Variants in CDYL2 observed in about 807,000 individuals in gnomAD.
CDYL2 encodes the protein chromodomain Y-like protein 2.
A neutral mutation model predicts 49.4 loss-of-function variants in CDYL2; 23 were observed. That is an observed-to-expected ratio of 0.47 (90% CI 0.34 to 0.66). The LOEUF (loss-of-function observed/expected upper bound fraction) is 0.66. CDYL2 is among the 30% of genes least tolerant of loss of function. The pLI, the probability that CDYL2 is intolerant of heterozygous loss-of-function variation, is 0.01. For missense variants in CDYL2, 678 were observed against 656.4 expected (o/e 1.03, Z -0.36); for synonymous variants, 360 against 268.8 (o/e 1.34, Z -3.32).
intron 2 of CDYL2, among the ~76,000 whole-genome samples, chr16:80,673,329 T>C (rs531279596): frequency 6.6e-6 from 1 of 152,020 alleles, no homozygotes; most frequent in African/African-American, 2.4e-5. Context: ...CAAAAATAAA[T>C]AAATAAATAA....
rs891664855 is a variant in CDYL2 at position 80,784,570 on chromosome 16, C to T, written c.24+19580G>A. ...AAGGGGAAATGGTTAATAAACATAT[C>T]AGGGTAAGAGCAGGAAAAAAAGATA... On this transcript the variant is annotated intron_variant, in intron 1 of 6. Transcript: ENST00000570137. Among the ~76,000 whole-genome samples the T allele has an allele frequency of 4.6e-5, 7 of 152,016 alleles. No individual in the cohort carries two copies. The South Asian group carries it at 1.2e-3, about 27-fold the overall frequency.
intron 2 of CDYL2, among the ~76,000 whole-genome samples, chr16:80,665,664 G>C (rs1244735231): frequency 6.6e-6 from 1 of 152,078 alleles, no homozygotes; most frequent in Non-Finnish European, 1.5e-5. Flanking sequence ...GTGGTGAAGT[G>C]GGAGGGAATC....
At chr16:80,666,802 T>A (rs1909283788) in intron 2 of CDYL2, among the ~76,000 whole-genome samples, 1 of 152,176 alleles carries the variant, frequency 6.6e-6, no homozygotes, top group African/African-American at 2.4e-5. Context: ...AGGACCCCCA[T>A]CTTAAAGCAG....
intron 1 of CDYL2, among the ~76,000 whole-genome samples, chr16:80,709,239 G>C (rs1242145067): frequency 1.3e-5 from 2 of 152,086 alleles, no homozygotes; most frequent in Non-Finnish European, 2.9e-5. Context: ...AAAATTAGCT[G>C]GGTGTGGTGG....
chr16:80,646,755 C>T (rs1475491918), intron 2 of CDYL2, among the ~76,000 whole-genome samples: 1 of 152,068 alleles, frequency 6.6e-6, no homozygotes, highest in African/African-American at 2.4e-5. Context: ...CGCCACTGCA[C>T]TCCAGCCTGG....
chr16:80,704,641 TGGAA>T (rs1904342025), intron 1 of CDYL2, among the ~76,000 whole-genome samples: 2 of 152,176 alleles, frequency 1.3e-5, no homozygotes, highest in African/African-American at 2.4e-5. Context: ...ACATTCAGAA[TGGAA>T]GGAAGAGCTG....
chr16:80,706,034 G>A lies in CDYL2; in HGVS notation c.25-20905C>T, dbSNP rs577275607. Among the ~76,000 whole-genome samples, 26 of 152,304 alleles carry A rather than the reference G, an allele frequency of 1.7e-4. No homozygotes were observed. The South Asian group carries it at 4.6e-3, about 27-fold the overall frequency. On this transcript the variant is annotated intron_variant, in intron 1 of 6. Transcript: ENST00000570137. Reference sequence around the variant, plus strand: ...GTGTAATCTGAACATCACAGACATGGTCCCTGTTCTCATGGAACTTAGCAT... The same window carrying A: ...GTGTAATCTGAACATCACAGACATGATCCCTGTTCTCATGGAACTTAGCAT...
chr16:80,768,234 T>G (rs374514611), intron 1 of CDYL2, among the ~76,000 whole-genome samples: 1 of 152,240 alleles, frequency 6.6e-6, no homozygotes, highest in African/African-American at 2.4e-5. Context: ...ATCCGAAACT[T>G]GGAATTCCCC....
intron 1 of CDYL2, among the ~76,000 whole-genome samples, chr16:80,784,525 C>T (rs1907370965): frequency 6.6e-6 from 1 of 152,060 alleles, no homozygotes; most frequent in African/African-American, 2.4e-5. Context: ...GTTTAGAGAA[C>T]ATCCATGAGA....
intron 1 of CDYL2, among the ~76,000 whole-genome samples, chr16:80,716,126 C>A (rs752690725): frequency 1.7e-4 from 26 of 152,214 alleles, no homozygotes; most frequent in Non-Finnish European, 3.1e-4. Context: ...AGGCCTGGTA[C>A]ATAAAAGGAA....
At chr16:80,613,460 T>G (rs1177631183) in intron 4 of CDYL2, among the ~76,000 whole-genome samples, 1 of 152,200 alleles carries the variant, frequency 6.6e-6, no homozygotes, top group Admixed American at 6.5e-5. Flanking sequence ...TAGGATGGTC[T>G]GATTCTGAAT....
intron 1 of CDYL2, among the ~76,000 whole-genome samples, chr16:80,787,622 C>G (rs189941241): frequency 2.6e-5 from 4 of 152,198 alleles, no homozygotes; most frequent in East Asian, 1.9e-4. Context: ...TCTCTCTCCT[C>G]TGTGTGTGTG....
intron 1 of CDYL2, among the ~76,000 whole-genome samples, chr16:80,712,911 T>C (rs868400110): frequency 6.6e-6 from 1 of 152,118 alleles, no homozygotes; most frequent in Non-Finnish European, 1.5e-5. Flanking sequence ...GCTTCCTTGA[T>C]AGCAAATGTG....
chr16:80,737,177 C>G (rs1348978196), intron 1 of CDYL2, among the ~76,000 whole-genome samples: 2 of 152,148 alleles, frequency 1.3e-5, no homozygotes, highest in East Asian at 1.9e-4. Context: ...TCTGCTTGTA[C>G]CTACCAGTGT....
At chr16:80,674,209 T>C (rs1224506049) in intron 2 of CDYL2, among the ~76,000 whole-genome samples, 1 of 152,262 alleles carries the variant, frequency 6.6e-6, no homozygotes, top group South Asian at 2.1e-4. Flanking sequence ...GGCACTGTGG[T>C]TCCATTCCAG....
chr16:80,644,970 C>T (rs1033084672), intron 2 of CDYL2, among the ~76,000 whole-genome samples: 1 of 152,092 alleles, frequency 6.6e-6, no homozygotes, highest in African/African-American at 2.4e-5. Flanking sequence ...CTTCCTTACA[C>T]CTTATACAAA....
intron 1 of CDYL2, among the ~76,000 whole-genome samples, chr16:80,764,946 G>C (rs1256192235): frequency 6.6e-6 from 1 of 150,602 alleles, no homozygotes; most frequent in Non-Finnish European, 1.5e-5. Flanking sequence ...TGTAGTCCCA[G>C]CTACTCAGGA....
At chr16:80,786,837 G>A (rs975602594) in intron 1 of CDYL2, among the ~76,000 whole-genome samples, 12 of 151,780 alleles carry the variant, frequency 7.9e-5, no homozygotes, top group South Asian at 2.1e-4. Context: ...ACCAAACACC[G>A]CATGTTCTCA....
chr16:80,712,047 ATATAGATGTGTGTG>A (rs1567580921), intron 1 of CDYL2, among the ~76,000 whole-genome samples: 2 of 144,404 alleles, frequency 1.4e-5, no homozygotes, highest in Non-Finnish European at 3.1e-5. Flanking sequence ...ATATGTGTGT[ATATAGATGTGTGTG>A]TATAGATGTG....
Sources: allele counts gnomAD v4.1 joint callset (sites outside exome capture counted in the v4.1 genomes callset), GRCh38; gene constraint gnomAD v4.1.1; transcripts MANE v1.5; gene names NCBI Gene and HGNC (gene_info 2026-07-23, HGNC 2026-07-21).